The following COL8A2 variants were observed in gnomAD, a reference collection of about 807,000 sequenced individuals.
COL8A2 encodes the protein collagen type VIII alpha 2 chain, also known as collagen alpha-2(VIII) chain.
Under a neutral mutation model 24.0 loss-of-function variants are expected in COL8A2, and 16 were observed. The observed-to-expected ratio is 0.67, with a 90% CI of 0.45 to 1.01. The LOEUF (loss-of-function observed/expected upper bound fraction) is 1.01, where lower values mean the gene tolerates loss of function less well. Among genes scored for constraint, COL8A2 ranks in the 50% least tolerant of loss-of-function variants. The pLI, the probability that COL8A2 is intolerant of heterozygous loss-of-function variation, is 0.00. For synonymous variants in COL8A2, 466 were observed against 424.5 expected, an observed-to-expected ratio of 1.10 and a Z score of -1.20; for missense variants, 818 against 942.4, an observed-to-expected ratio of 0.87 and a Z score of 1.73.
In COL8A2 at chr1:36,096,527, G is replaced by A. The variant is rs1350928931; in HGVS notation, c.*1042C>T. 6 of 152,188 alleles carry A rather than the reference G, an allele frequency of 3.9e-5. No individual in the cohort carries two copies. The highest frequency in any genetic ancestry group is 3.9e-4 in the Admixed American group (6 of 15,268). 9.4% of individuals were successfully genotyped at this position (152,188 alleles called of 1,614,324 possible). A position where few individuals can be genotyped will look rare whatever the true frequency, so the allele number is the denominator to read the frequency against. ...GTTCTTATTAAGGAAAAGGAAGTGG[G>A]AGCCGTCTTCATCCCCCAGCTCGCG... On this transcript the variant is annotated 3_prime_UTR_variant, in exon 4 of 4. Transcript: ENST00000397799.
intron 1 of COL8A2, among the ~76,000 whole-genome samples, chr1:36,124,446 GCAAGTCT>G (rs1207262695): frequency 6.6e-6 from 1 of 151,264 alleles, no homozygotes; most frequent in African/African-American, 2.5e-5. Context: ...CTCACCCCCT[GCAAGTCT>G]CAGTCTGGAG....
intron 1 of COL8A2, among the ~76,000 whole-genome samples, chr1:36,116,959 A>C (rs954195243): frequency 6.6e-6 from 1 of 152,190 alleles, no homozygotes; most frequent in Non-Finnish European, 1.5e-5. Flanking sequence ...CAGGTCACAT[A>C]GCTGTACGCA....
chr1:36,117,115 A>C (rs1383668451), intron 1 of COL8A2, among the ~76,000 whole-genome samples: 2 of 152,194 alleles, frequency 1.3e-5, no homozygotes, highest in Non-Finnish European at 2.9e-5. Flanking sequence ...GCTCCCATGG[A>C]AACTCTGACA....
At chr1:36,122,638 T>C (rs1306226825) in intron 1 of COL8A2, among the ~76,000 whole-genome samples, 2 of 151,904 alleles carry the variant, frequency 1.3e-5, no homozygotes, top group African/African-American at 4.8e-5. Context: ...CTCCTTTCCA[T>C]CTACTTCTTC....
intron 2 of COL8A2, among the ~76,000 whole-genome samples, chr1:36,114,686 C>T (rs1461375989): frequency 3.9e-5 from 6 of 152,226 alleles, no homozygotes; most frequent in African/African-American, 1.2e-4. Flanking sequence ...CTCTTCCCCA[C>T]CCACACCTCC....
At chr1:36,110,086 C>A (rs370131518) in intron 2 of COL8A2, among the ~76,000 whole-genome samples, 1 of 151,766 alleles carries the variant, frequency 6.6e-6, no homozygotes, top group Non-Finnish European at 1.5e-5. Flanking sequence ...CCCGCCACCA[C>A]GCCCGGCTAA....
intron 2 of COL8A2, among the ~76,000 whole-genome samples, chr1:36,101,711 G>A (rs1395084324): frequency 6.6e-6 from 1 of 152,182 alleles, no homozygotes; most frequent in Non-Finnish European, 1.5e-5. Flanking sequence ...ATAAAATGTG[G>A]TATCGCCATA....
rs1643876488 is a variant in COL8A2, at chr1:36,115,837, A to C, written c.-61-85T>G. On this transcript the variant is annotated intron_variant, in intron 1 of 3. Transcript: ENST00000397799. The surrounding 1 kb of genome is among the most constrained non-coding windows in gnomAD (Gnocchi z 5.7). ...AGCACTTTGGGAGGCTAAGGTGGGA[A>C]GACTGCTTGAGCCCAGGAGTTTGAG... is the stretch of plus-strand genomic sequence containing the variant. 1.3e-6 allele frequency: 1 copy of C among 748,008 alleles called. No homozygotes were observed. Among genetic ancestry groups the C allele is most frequent in the Admixed American group, 6.3e-5 (1 of 15,964 alleles). 46.3% of individuals were successfully genotyped at this position (748,008 alleles called of 1,614,324 possible).
At chr1:36,099,535 CAG>C (rs758012326) in intron 3 of COL8A2, 48 bp from the exon 4 acceptor site, 1 of 1,373,584 alleles carries the variant, frequency 7.3e-7, no homozygotes, top group Admixed American at 2.0e-5. Flanking sequence ...ACTGTGGGGA[CAG>C]GGGACCCCAT....
chr1:36,101,136 C>T (rs1360344790), intron 2 of COL8A2, among the ~76,000 whole-genome samples: 2 of 151,944 alleles, frequency 1.3e-5, no homozygotes, highest in South Asian at 2.1e-4. Context: ...TCAGGTGATC[C>T]GGCTGCCTCA....
intron 2 of COL8A2, among the ~76,000 whole-genome samples, chr1:36,109,941 T>C (rs1643815534): frequency 6.8e-6 from 1 of 146,958 alleles, no homozygotes; most frequent in African/African-American, 2.5e-5. Context: ...TTTTTTTTTT[T>C]TTTTTTGAGA....
chr1:36,106,941 G>C (rs1643770311), intron 2 of COL8A2, among the ~76,000 whole-genome samples: 1 of 151,928 alleles, frequency 6.6e-6, no homozygotes, highest in African/African-American at 2.4e-5. Flanking sequence ...TGAGTGAGGA[G>C]GGTATGAGTG....
chr1:36,109,774 C>T (rs985406893), intron 2 of COL8A2, among the ~76,000 whole-genome samples: 3 of 151,208 alleles, frequency 2.0e-5, no homozygotes, highest in Non-Finnish European at 4.4e-5. Context: ...TTCTACTAAA[C>T]GGGGTTTCTA....
At chr1:36,112,224 C>T (rs1367426338) in intron 2 of COL8A2, among the ~76,000 whole-genome samples, 3 of 151,980 alleles carry the variant, frequency 2.0e-5, no homozygotes, top group Admixed American at 6.6e-5. Context: ...AGGATGGTCT[C>T]GATCTCCTGA....
rs916137620 is a variant in COL8A2, at chr1:36,125,069, C to G, written c.-74G>C. 2.0e-6 allele frequency: 2 copies of G among 980,788 alleles called. No individual in the cohort carries two copies. Among genetic ancestry groups the G allele is most frequent in the Non-Finnish European group, 1.2e-6 (1 of 826,828 alleles). The allele number at this position is 980,788 out of a possible 1,614,324, so 60.8% of individuals were successfully genotyped here. ...TCCTGGCCTTTACCTGCGGGCGCGGCCGCCGGGCGCCGCTCCCGGCCCTCG... is the reference window on the plus strand; with the variant it reads ...TCCTGGCCTTTACCTGCGGGCGCGGGCGCCGGGCGCCGCTCCCGGCCCTCG... On this transcript the variant is annotated 5_prime_UTR_variant, in exon 1 of 4. Coordinates refer to ENST00000397799, the MANE Select transcript of COL8A2 (RefSeq NM_005202.4). This position sits in a 1 kb window ranked among gnomAD's most constrained non-coding sequence, Gnocchi z 4.5.
At chr1:36,113,104 G>A (rs1643863091) in intron 2 of COL8A2, among the ~76,000 whole-genome samples, 2 of 152,152 alleles carry the variant, frequency 1.3e-5, no homozygotes, top group South Asian at 4.1e-4. Flanking sequence ...CACGTTTGGA[G>A]GCACACACTC....
chr1:36,112,472 T>C lies in COL8A2; in HGVS notation c.-17+3236A>G, dbSNP rs1356099972. Reference sequence around the variant, plus strand: ...CAACTGTACATGACATCTCTCTTCCTTTCCCCCAAACTTCCAACCTTATCC... The same window carrying C: ...CAACTGTACATGACATCTCTCTTCCCTTCCCCCAAACTTCCAACCTTATCC... On this transcript the variant is annotated intron_variant, in intron 2 of 3. Coordinates refer to ENST00000397799, the MANE Select transcript of COL8A2 (RefSeq NM_005202.4). Among the ~76,000 whole-genome samples, 5 of 152,094 alleles carry C rather than the reference T, an allele frequency of 3.3e-5. No homozygotes were observed. In the East Asian group the frequency reaches 7.7e-4, roughly 23 times the overall value.
Position 36,099,221 on chromosome 1 carries a change from G to T in COL8A2, c.460C>A (p.Leu154Ile). The T allele has an allele frequency of 6.5e-7, 1 of 1,539,298 alleles. No homozygotes were observed. Among genetic ancestry groups the T allele is most frequent in the Non-Finnish European group, 8.8e-7 (1 of 1,141,880 alleles). Residue 154 changes from leucine to isoleucine, a missense_variant, in exon 4 of 4, where the codon CTC becomes ATC. Physicochemically the swap from Leu to Ile is conservative, Grantham distance 5. This residue lies in a region of COL8A2 where 573 missense variants were observed against 616.8 expected (regional missense o/e 0.93). Coordinates refer to ENST00000397799, the MANE Select transcript of COL8A2 (RefSeq NM_005202.4). Reference protein sequence around the residue: ...GEPGIRGDQGLRGPPGPPGLP... With the variant: ...GEPGIRGDQGIRGPPGPPGLP... ...CCAGGGGGTCCTGGGGGTCCCCGGA[G>T]GCCCTGGTCCCCTCGTATTCCTGGC...
rs1050846315 is a variant in COL8A2 at position 36,123,173 on chromosome 1, G to A, written c.-62+1884C>T. Among the ~76,000 whole-genome samples, 2 of 152,172 alleles carry A rather than the reference G, an allele frequency of 1.3e-5. No individual in the cohort carries two copies. Among genetic ancestry groups the A allele is most frequent in the African/African-American group, 4.8e-5 (2 of 41,440 alleles). The stretch of plus-strand genomic sequence containing the variant: ...GAGGAGAGGCCGCTGTGTCTCTCTC[G>A]TTCCTCCGACCCGACACTATAATTT... On this transcript the variant is annotated intron_variant, in intron 1 of 3. Transcript: ENST00000397799. The surrounding 1 kb of genome is among the most constrained non-coding windows in gnomAD (Gnocchi z 4.1).
Sources: allele counts gnomAD v4.1 joint callset (sites outside exome capture counted in the v4.1 genomes callset), GRCh38; gene constraint gnomAD v4.1.1; regional missense constraint gnomAD v4.1.1; non-coding constraint Gnocchi (gnomAD v3.1); transcripts MANE v1.5; gene names NCBI Gene and HGNC (gene_info 2026-07-23, HGNC 2026-07-21).